Variants in SDK1 observed in about 807,000 individuals in gnomAD.
SDK1 encodes the protein sidekick cell adhesion molecule 1, also known as protein sidekick-1.
SDK1 carries 157 observed loss-of-function variants against 245.5 expected under a neutral mutation model. The observed-to-expected ratio is 0.64, with a 90% CI of 0.56 to 0.73. The LOEUF is 0.73. Ranked by LOEUF, SDK1 falls within the 30% of genes least tolerant of loss-of-function variation. SDK1 has a pLI of 0.00. For synonymous variants in SDK1, 1,647 were observed against 1,278.5 expected (o/e 1.29, Z -6.15); for missense variants, 3,583 against 3,002.3 (o/e 1.19, Z -4.52).
At chr7:3,440,536 C>T (rs915054521) in intron 1 of SDK1, among the ~76,000 whole-genome samples, 3 of 152,140 alleles carry the variant, frequency 2.0e-5, no homozygotes, top group Admixed American at 6.5e-5. Flanking sequence ...TCAACTGTTG[C>T]AGTATCTCAG....
In SDK1 at chr7:3,498,731, C is replaced by CTT. The variant is rs574383263; in HGVS notation, c.299-120336_299-120335dup. On this transcript the variant is annotated intron_variant, in intron 1 of 44. Transcript: ENST00000404826. ...TCAGAATGTTGCCTGTAGGCCTCATCTTTTTTTTTTTTTTCCCCTTTACTC... is the reference window on the plus strand; with the variant it reads ...TCAGAATGTTGCCTGTAGGCCTCATCTTTTTTTTTTTTTTTTCCCCTTTACTC... Among the ~76,000 whole-genome samples, 609 of 144,236 alleles carry CTT rather than the reference C, an allele frequency of 4.2e-3. 8 individuals are homozygous for CTT. Among genetic ancestry groups the CTT allele is most frequent in the African/African-American group, 0.012 (487 of 39,368 alleles). The allele number at this position is 144,236 out of a possible 152,430, so 94.6% of individuals were successfully genotyped here. A position where few individuals can be genotyped will look rare whatever the true frequency, so the allele number is the denominator to read the frequency against.
chr7:3,705,352 A>G lies in SDK1; in HGVS notation c.713+63247A>G, dbSNP rs73302264. Among the ~76,000 whole-genome samples the G allele has an allele frequency of 7.1e-3, 1,080 of 151,560 alleles. 11 individuals carry two copies. The highest frequency in any genetic ancestry group is 0.024 in the African/African-American group (1,003 of 41,406). On this transcript the variant is annotated intron_variant, in intron 4 of 44. Coordinates refer to ENST00000404826, the MANE Select transcript of SDK1 (RefSeq NM_152744.4). The stretch of plus-strand genomic sequence containing the variant: ...ATGTGTTTCCATTTATTTGTCATCT[A>G]TGATTTTTTTCAGCAGTGGTTTGTA...
Position 4,051,134 on chromosome 7 carries a change from ATAAT to A in SDK1, c.2719-503_2719-500del, listed in dbSNP as rs1463794115. Among the ~76,000 whole-genome samples, 4 of 139,550 alleles carry A rather than the reference ATAAT, an allele frequency of 2.9e-5. No homozygotes were observed. In the Admixed American group the frequency reaches 3.0e-4, roughly 10 times the overall value. The allele number at this position is 139,550 out of a possible 152,430, so 91.6% of individuals were successfully genotyped here. A position where few individuals can be genotyped will look rare whatever the true frequency, so the allele number is the denominator to read the frequency against. On this transcript the variant is annotated intron_variant, in intron 18 of 44. Transcript: ENST00000404826. ...TATGTATAATATATACATATTATAT[ATAAT>A]ATATGTATAATATATACATATAGTA...
chr7:3,591,709 C>G (rs1562587181), intron 1 of SDK1, among the ~76,000 whole-genome samples: 1 of 152,148 alleles, frequency 6.6e-6, no homozygotes, highest in African/African-American at 2.4e-5. Context: ...TATTTGTATT[C>G]TTTGCACTCG....
rs758251137 is a variant in SDK1, at chr7:4,245,758, G to A, written c.6334G>A (p.Glu2112Lys). 1.7e-5 allele frequency: 28 copies of A among 1,613,882 alleles called. No homozygotes were observed. The highest frequency in any genetic ancestry group is 1.6e-4 in the Middle Eastern group (1 of 6,080). The change falls in exon 44 of 45, where the codon GAG (glutamate) becomes AAG (lysine). Residue 2112 changes from glutamate (E) to lysine (K), a missense_variant. By Grantham distance (56) the Glu-to-Lys change is moderately conservative. Coordinates refer to ENST00000404826, the MANE Select transcript of SDK1 (RefSeq NM_152744.4). ...CAAGTACAACGGCGCCGTGCTGACC[G>A]AGAGCGTGAGCCTCAAGGAGAAGTC... is the stretch of plus-strand genomic sequence containing the variant. ...CNKYNGAVLT[E>K]SVSLKEKSAD...
intron 1 of SDK1, among the ~76,000 whole-genome samples, chr7:3,386,267 T>C (rs1266725607): frequency 6.6e-6 from 1 of 152,216 alleles, no homozygotes; most frequent in Non-Finnish European, 1.5e-5. Context: ...ACTTTATCTA[T>C]TAGAAGTTTG....
At chr7:4,204,149 C>T (rs1383574024) in intron 35 of SDK1, among the ~76,000 whole-genome samples, 2 of 152,256 alleles carry the variant, frequency 1.3e-5, no homozygotes, top group Non-Finnish European at 2.9e-5. Context: ...AATGGCCGCG[C>T]TCAATTTTGC....
rs1554271425 is a variant in SDK1, at chr7:3,852,776, A to AAAT, written c.847+31193_847+31194insAAT. ...AAAAAAAAAAAAAAAAAAAAAAAAA[A>AAAT]TTTTTTTCCTTGAAATTTGCTTTTA... On this transcript the variant is annotated intron_variant, in intron 5 of 44. Coordinates refer to ENST00000404826, the MANE Select transcript of SDK1 (RefSeq NM_152744.4). Among the ~76,000 whole-genome samples, 579 of 142,646 alleles carry AAAT rather than the reference A, an allele frequency of 4.1e-3. 16 individuals are homozygous for AAAT. The highest frequency in any genetic ancestry group is 0.014 in the African/African-American group (552 of 38,278). 93.6% of individuals were successfully genotyped at this position (142,646 alleles called of 152,430 possible). A position where few individuals can be genotyped will look rare whatever the true frequency, so the allele number is the denominator to read the frequency against.
chr7:4,117,590 C>T (rs182871323), intron 25 of SDK1, among the ~76,000 whole-genome samples: 24 of 152,272 alleles, frequency 1.6e-4, no homozygotes, highest in Middle Eastern at 3.4e-3. Flanking sequence ...GGGCTGGTGC[C>T]GCAGCTGCCC....
At chr7:3,505,713 C>T (rs767392869) in intron 1 of SDK1, among the ~76,000 whole-genome samples, 4 of 152,164 alleles carry the variant, frequency 2.6e-5, no homozygotes, top group Non-Finnish European at 5.9e-5. Context: ...TCTGCATCCA[C>T]AACCAAAAGT....
chr7:3,666,848 A>T (rs1300812581), intron 4 of SDK1, among the ~76,000 whole-genome samples: 1 of 152,190 alleles, frequency 6.6e-6, no homozygotes, highest in African/African-American at 2.4e-5. Context: ...GGTGGAAACG[A>T]GGGATAAATG....
chr7:3,355,930 A>C (rs565404459), intron 1 of SDK1, among the ~76,000 whole-genome samples: 1 of 152,290 alleles, frequency 6.6e-6, no homozygotes, highest in Admixed American at 6.5e-5. Context: ...AAGTTAAATC[A>C]TGTTCCAGCA....
intron 5 of SDK1, among the ~76,000 whole-genome samples, chr7:3,897,865 A>C (rs1203895948): frequency 6.6e-6 from 1 of 151,084 alleles, no homozygotes; most frequent in Non-Finnish European, 1.5e-5. Context: ...TCTTTTCTTA[A>C]ATTTCCCTTT....
chr7:4,156,182 G>A (rs887956133), intron 30 of SDK1, among the ~76,000 whole-genome samples: 3 of 152,138 alleles, frequency 2.0e-5, no homozygotes, highest in Admixed American at 2.0e-4. Context: ...CATTCCTGAT[G>A]CCCACTCTGC....
At chr7:3,614,542 A>G (rs1005623471) in intron 1 of SDK1, among the ~76,000 whole-genome samples, 30 of 152,222 alleles carry the variant, frequency 2.0e-4, no homozygotes, top group African/African-American at 7.2e-4. Context: ...CATTTAAAGT[A>G]TGTAAAGATC....
At chr7:3,991,556 A>T (rs1379345909) in intron 14 of SDK1, among the ~76,000 whole-genome samples, 1 of 152,112 alleles carries the variant, frequency 6.6e-6, no homozygotes, top group African/African-American at 2.4e-5. Context: ...CACACACAAG[A>T]TGGCTCTGTA....
chr7:3,400,154 T>G (rs1379594503), intron 1 of SDK1, among the ~76,000 whole-genome samples: 3 of 151,670 alleles, frequency 2.0e-5, no homozygotes, highest in South Asian at 4.1e-4. Flanking sequence ...TTTCACATTG[T>G]TAGGGAGGCT....
chr7:3,492,485 C>G (rs1267025635), intron 1 of SDK1, among the ~76,000 whole-genome samples: 1 of 152,252 alleles, frequency 6.6e-6, no homozygotes, highest in African/African-American at 2.4e-5. Context: ...CAGAGCGAGA[C>G]TCCGTCTCAA....
intron 5 of SDK1, among the ~76,000 whole-genome samples, chr7:3,934,806 T>G (rs943494879): frequency 1.3e-5 from 2 of 152,210 alleles, no homozygotes; most frequent in South Asian, 4.1e-4. Context: ...CACTGAGCGG[T>G]GACCCCAGAA....
Sources: allele counts gnomAD v4.1 joint callset (sites outside exome capture counted in the v4.1 genomes callset), GRCh38; gene constraint gnomAD v4.1.1; transcripts MANE v1.5; gene names NCBI Gene and HGNC (gene_info 2026-07-23, HGNC 2026-07-21).